The following NEDD4L variants were observed in gnomAD, a reference collection of about 807,000 sequenced individuals.
NEDD4L encodes E3 ubiquitin-protein ligase NEDD4-like.
A neutral mutation model predicts 148.9 loss-of-function variants in NEDD4L; 54 were observed. The ratio of observed to expected loss-of-function variants is 0.36; its 90% CI spans 0.29 to 0.45. The LOEUF (loss-of-function observed/expected upper bound fraction) is 0.45. Ranked by LOEUF, NEDD4L falls within the 20% of genes least tolerant of loss-of-function variation. The probability of loss-of-function intolerance (pLI) is 1.00; values close to 1 mark genes in which losing one functional copy is unlikely to be tolerated. For synonymous variants in NEDD4L, 433 were observed against 440.7 expected (o/e 0.98, Z 0.22); for missense variants, 856 against 1,233.8 (o/e 0.69, Z 4.59).
intron 2 of NEDD4L, among the ~76,000 whole-genome samples, chr18:58,178,254 A>G (rs1444129426): frequency 1.3e-5 from 2 of 152,192 alleles, no homozygotes; most frequent in Non-Finnish European, 2.9e-5. Flanking sequence ...TTCTGCTAGC[A>G]TTGACTTTCT....
rs2034896897 is a variant in NEDD4L at position 58,152,422 on chromosome 18, A to G, written c.49-13366A>G. On this transcript the variant is annotated intron_variant, in intron 1 of 30. Coordinates refer to ENST00000400345, the MANE Select transcript of NEDD4L (RefSeq NM_001144967.3). ...AGATCTGGGAGATCTACAGATACGG[A>G]TCATCTGCATTTGGAAATTTTGTTT... Among the ~76,000 whole-genome samples the G allele has an allele frequency of 3.9e-5, 6 of 152,328 alleles. No homozygotes were observed. In the South Asian group the frequency reaches 1.2e-3, roughly 32 times the overall value.
chr18:58,376,552 C>T (rs1421775552), intron 24 of NEDD4L, among the ~76,000 whole-genome samples: 1 of 152,214 alleles, frequency 6.6e-6, no homozygotes, highest in Non-Finnish European at 1.5e-5. Context: ...GTTGTTCACA[C>T]ACCTCCCAAA....
At chr18:58,144,738 A>G (rs1446478959) in intron 1 of NEDD4L, among the ~76,000 whole-genome samples, 1 of 152,214 alleles carries the variant, frequency 6.6e-6, no homozygotes, top group Non-Finnish European at 1.5e-5. Context: ...CGTGTACCGC[A>G]CAGTTCATGT....
intron 2 of NEDD4L, among the ~76,000 whole-genome samples, chr18:58,198,803 T>G (rs1322512990): frequency 6.6e-6 from 1 of 152,210 alleles, no homozygotes; most frequent in East Asian, 1.9e-4. Flanking sequence ...GGCTTCTTTG[T>G]TTTTTTGTTT....
At chr18:58,305,886 A>G (rs980375975) in intron 5 of NEDD4L, among the ~76,000 whole-genome samples, 14 of 152,134 alleles carry the variant, frequency 9.2e-5, no homozygotes, top group Non-Finnish European at 1.5e-4. Flanking sequence ...CTTAGCTTTA[A>G]CTACTTAGAA....
intron 1 of NEDD4L, among the ~76,000 whole-genome samples, chr18:58,141,645 C>T (rs1015105598): frequency 6.6e-6 from 1 of 152,058 alleles, no homozygotes; most frequent in African/African-American, 2.4e-5. Flanking sequence ...TTCTGTTTTT[C>T]CCTCTAGTGT....
chr18:58,162,805 T>A (rs2036385072), intron 1 of NEDD4L, among the ~76,000 whole-genome samples: 1 of 151,980 alleles, frequency 6.6e-6, no homozygotes, highest in Non-Finnish European at 1.5e-5. Context: ...GGCTCACGCC[T>A]GTAATCCCAG....
At chr18:58,205,917 C>G (rs1348225329) in intron 2 of NEDD4L, among the ~76,000 whole-genome samples, 1 of 152,142 alleles carries the variant, frequency 6.6e-6, no homozygotes, top group Non-Finnish European at 1.5e-5. Flanking sequence ...CCTCAGAATC[C>G]TAGTGTCCTT....
chr18:58,045,186 C>T (rs1380860398), intron 1 of NEDD4L: 1 of 398,674 alleles, frequency 2.5e-6, no homozygotes, highest in Non-Finnish European at 4.4e-6. Context: ...TGTGGATCAG[C>T]AGGCGCTCAG....
At chr18:58,379,462 TAAG>T (rs1232137755) in intron 24 of NEDD4L, among the ~76,000 whole-genome samples, 1 of 152,110 alleles carries the variant, frequency 6.6e-6, no homozygotes, top group African/African-American at 2.4e-5. Context: ...CAGCTGATGT[TAAG>T]AAGGGACAAA....
chr18:58,044,503 G>T lies in NEDD4L; in HGVS notation c.-158G>T. On this transcript the variant is annotated 5_prime_UTR_variant, in exon 1 of 31. Transcript: ENST00000400345. ...GGCAGCGTCCAGGGCGCGCTCTCGG[G>T]CACCCTCACCTGCCGGCGCCCGGCC... is the stretch of plus-strand genomic sequence containing the variant. 9.8e-7 allele frequency: 1 copy of T among 1,017,660 alleles called. No individual in the cohort carries two copies. Among genetic ancestry groups the T allele is most frequent in the South Asian group, 4.8e-5 (1 of 20,904 alleles). The allele number at this position is 1,017,660 out of a possible 1,614,324, so 63.0% of individuals were successfully genotyped here. A position where few individuals can be genotyped will look rare whatever the true frequency, so the allele number is the denominator to read the frequency against.
chr18:58,135,580 G>A (rs1175054639), intron 1 of NEDD4L, among the ~76,000 whole-genome samples: 4 of 152,242 alleles, frequency 2.6e-5, no homozygotes, highest in Non-Finnish European at 4.4e-5. Context: ...CTGAAGTTCC[G>A]AGTTGTGATC....
chr18:58,220,802 T>C (rs768477568), intron 2 of NEDD4L, among the ~76,000 whole-genome samples: 25 of 152,254 alleles, frequency 1.6e-4, no homozygotes, highest in Non-Finnish European at 2.9e-4. Flanking sequence ...ATAGTGCCCA[T>C]CGCAGGCAGA....
intron 1 of NEDD4L, among the ~76,000 whole-genome samples, chr18:58,144,577 A>G (rs1285476972): frequency 2.0e-5 from 3 of 152,196 alleles, no homozygotes; most frequent in Non-Finnish European, 2.9e-5. Flanking sequence ...GAAGCATTGT[A>G]GAGTTCAGAG....
intron 1 of NEDD4L, among the ~76,000 whole-genome samples, chr18:58,099,475 T>C (rs1003200220): frequency 6.6e-6 from 1 of 152,374 alleles, no homozygotes; most frequent in East Asian, 1.9e-4. Flanking sequence ...TGGGTTCTCA[T>C]GCACATGACC....
At chr18:58,215,757 T>G (rs74408486) in intron 2 of NEDD4L, among the ~76,000 whole-genome samples, 5,318 of 152,260 alleles carry the variant, frequency 0.035, 230 homozygotes, top group East Asian at 0.13. Context: ...AGAACATCAG[T>G]CACTCTTAAT....
intron 5 of NEDD4L, among the ~76,000 whole-genome samples, chr18:58,268,460 C>T (rs1315487412): frequency 6.6e-6 from 1 of 152,050 alleles, no homozygotes; most frequent in Non-Finnish European, 1.5e-5. Flanking sequence ...CACAGACCTG[C>T]CCTCTGAACA....
At chr18:58,279,521 A>G (rs1294086687) in intron 5 of NEDD4L, among the ~76,000 whole-genome samples, 1 of 152,326 alleles carries the variant, frequency 6.6e-6, no homozygotes. Flanking sequence ...CATGTTAGAA[A>G]TTCGGTACAC....
At chr18:58,221,470 G>A in intron 2 of NEDD4L, 1 of 814,220 alleles carries the variant, frequency 1.2e-6, no homozygotes, top group Non-Finnish European at 1.5e-6. Context: ...GGTAGGAGGT[G>A]GAGCTTGACG....
Sources: allele counts gnomAD v4.1 joint callset (sites outside exome capture counted in the v4.1 genomes callset), GRCh38; gene constraint gnomAD v4.1.1; transcripts MANE v1.5; gene names NCBI Gene and HGNC (gene_info 2026-07-23, HGNC 2026-07-21).